Variants in BMPR1B observed in about 807,000 individuals in gnomAD.
BMPR1B encodes the protein bone morphogenetic protein receptor type-1B.
BMPR1B carries 12 observed loss-of-function variants against 59.1 expected under a neutral mutation model. The ratio of observed to expected loss-of-function variants is 0.20; its 90% CI spans 0.13 to 0.33. The LOEUF is 0.33. Ranked by LOEUF, BMPR1B falls within the 10% of genes least tolerant of loss-of-function variation. The pLI, the probability that BMPR1B is intolerant of heterozygous loss-of-function variation, is 1.00. For synonymous variants in BMPR1B, 237 were observed against 207.3 expected (o/e 1.14, Z -1.23); for missense variants, 550 against 610.9 (o/e 0.90, Z 1.05).
At chr4:94,805,321 G>C (rs1723566553) in intron 1 of BMPR1B, among the ~76,000 whole-genome samples, 2 of 152,088 alleles carry the variant, frequency 1.3e-5, no homozygotes, top group Admixed American at 1.3e-4. Flanking sequence ...GACACTCAGG[G>C]AATCTGATTC....
rs148876395 is a variant in BMPR1B, at chr4:94,966,161, T to C, written c.-112-29879T>C. On this transcript the variant is annotated intron_variant, in intron 2 of 12. Transcript: ENST00000515059. Reference sequence around the variant, plus strand: ...TAAAGTGGCAATAACACAATTTTGTTGGATACTTAGTACTGTGTTGTTTCT... The same window carrying C: ...TAAAGTGGCAATAACACAATTTTGTCGGATACTTAGTACTGTGTTGTTTCT... Among the ~76,000 whole-genome samples the C allele has an allele frequency of 3.5e-4, 53 of 152,332 alleles. No homozygotes were observed. The East Asian group carries it at 9.4e-3, about 27-fold the overall frequency.
chr4:95,105,167 G>T (rs1338148143), intron 4 of BMPR1B, among the ~76,000 whole-genome samples: 1 of 152,044 alleles, frequency 6.6e-6, no homozygotes, highest in Non-Finnish European at 1.5e-5. Context: ...TTCCTTAAAT[G>T]CCTTTATGCA....
chr4:94,993,732 G>T (rs896505473), intron 2 of BMPR1B, among the ~76,000 whole-genome samples: 3 of 125,986 alleles, frequency 2.4e-5, no homozygotes, highest in Non-Finnish European at 4.7e-5. Flanking sequence ...CTGCGCTCCA[G>T]CCTGGGCAAC....
intron 3 of BMPR1B, among the ~76,000 whole-genome samples, chr4:95,080,847 C>G (rs1036906276): frequency 6.6e-6 from 1 of 152,094 alleles, no homozygotes; most frequent in Non-Finnish European, 1.5e-5. Context: ...ATCTCAACCT[C>G]TCTGTAAATG....
chr4:94,962,106 TCC>T (rs1730386733), intron 2 of BMPR1B, among the ~76,000 whole-genome samples: 1 of 136,904 alleles, frequency 7.3e-6, no homozygotes, highest in Non-Finnish European at 1.5e-5. Flanking sequence ...CTTCCTTCCT[TCC>T]TTCCTTCCTT....
chr4:94,936,664 A>T (rs1176784199), intron 2 of BMPR1B, among the ~76,000 whole-genome samples: 1 of 152,114 alleles, frequency 6.6e-6, no homozygotes, highest in East Asian at 1.9e-4. Context: ...TACTTTGAGA[A>T]CTACAGTTTT....
intron 3 of BMPR1B, among the ~76,000 whole-genome samples, chr4:95,059,553 A>G (rs1727192107): frequency 6.6e-6 from 1 of 152,166 alleles, no homozygotes; most frequent in South Asian, 2.1e-4. Flanking sequence ...CATATATACC[A>G]AACAGTTTAT....
intron 3 of BMPR1B, among the ~76,000 whole-genome samples, chr4:95,031,060 C>T (rs1407565304): frequency 6.6e-6 from 1 of 151,952 alleles, no homozygotes; most frequent in Non-Finnish European, 1.5e-5. Flanking sequence ...CCCGCATCGC[C>T]AAGTCAATCC....
chr4:94,826,765 TTA>T (rs1485390326), intron 1 of BMPR1B, among the ~76,000 whole-genome samples: 1 of 152,174 alleles, frequency 6.6e-6, no homozygotes, highest in Non-Finnish European at 1.5e-5. Flanking sequence ...AAATATATGC[TTA>T]TAATATTAAA....
At chr4:94,987,153 TA>T (rs1187442170) in intron 2 of BMPR1B, among the ~76,000 whole-genome samples, 4 of 144,372 alleles carry the variant, frequency 2.8e-5, no homozygotes, top group Admixed American at 7.2e-5. Flanking sequence ...ATAATGTATA[TA>T]TACATATACA....
rs151333374 is a variant in BMPR1B at position 95,092,892 on chromosome 4, C to T, written c.-17-11516C>T. Among the ~76,000 whole-genome samples, 632 of 152,180 alleles carry T rather than the reference C, an allele frequency of 4.2e-3. 6 individuals carry two copies. Among genetic ancestry groups the T allele is most frequent in the African/African-American group, 0.015 (616 of 41,526 alleles). ...ATTTTTGGTGTGGAGGCAAGTTGAA[C>T]ATCTACTTTGATTAGCTTCGGAACT... On this transcript the variant is annotated intron_variant, in intron 3 of 12. Coordinates refer to ENST00000515059, the MANE Select transcript of BMPR1B (RefSeq NM_001203.3).
In BMPR1B at chr4:95,156,458, C is replaced by T. The variant is rs1300907305; in HGVS notation, c.*1785C>T. Reference sequence around the variant, plus strand: ...ACATGAAACATGAGAAAACATTTTCCTCACTTCTGAAGTCGGTTTGCAGCT... The same window carrying T: ...ACATGAAACATGAGAAAACATTTTCTTCACTTCTGAAGTCGGTTTGCAGCT... On this transcript the variant is annotated 3_prime_UTR_variant, in exon 13 of 13. Coordinates refer to ENST00000515059, the MANE Select transcript of BMPR1B (RefSeq NM_001203.3). The T allele has an allele frequency of 6.6e-6, 1 of 151,832 alleles. No homozygotes were observed. The highest frequency in any genetic ancestry group is 1.5e-5 in the Non-Finnish European group (1 of 67,944). The allele number at this position is 151,832 out of a possible 1,614,324, so 9.4% of individuals were successfully genotyped here.
chr4:95,057,375 G>A (rs540988230), intron 3 of BMPR1B, among the ~76,000 whole-genome samples: 3 of 152,112 alleles, frequency 2.0e-5, no homozygotes, highest in South Asian at 2.1e-4. Context: ...CTCCCGAGTC[G>A]CTGGGACTAC....
intron 1 of BMPR1B, among the ~76,000 whole-genome samples, chr4:94,825,359 G>A (rs1197676252): frequency 6.6e-6 from 1 of 151,946 alleles, no homozygotes; most frequent in Non-Finnish European, 1.5e-5. Flanking sequence ...TTAAAAATTA[G>A]CTGAGCAGTG....
intron 9 of BMPR1B, 113 bp from the exon 10 acceptor site, chr4:95,131,102 T>G (rs1039733697): frequency 1.3e-5 from 15 of 1,120,406 alleles, no homozygotes; most frequent in Middle Eastern, 5.1e-4. Context: ...GTCAGGAAAT[T>G]GAATGAAATG....
In BMPR1B at chr4:95,154,807, C is replaced by G. The variant is rs1735296867; in HGVS notation, c.*134C>G. The G allele has an allele frequency of 2.2e-6, 3 of 1,341,502 alleles. No homozygotes were observed. Among genetic ancestry groups the G allele is most frequent in the East Asian group, 2.4e-5 (1 of 41,910 alleles). 83.1% of individuals were successfully genotyped at this position (1,341,502 alleles called of 1,614,324 possible). On this transcript the variant is annotated 3_prime_UTR_variant, in exon 13 of 13. Coordinates refer to ENST00000515059, the MANE Select transcript of BMPR1B (RefSeq NM_001203.3). Reference sequence around the variant, plus strand: ...GTCCTGCTTCCCAGTGGGTTCAGACCTCACCTCTCAGGGAGCGACCTGGGC... The same window carrying G: ...GTCCTGCTTCCCAGTGGGTTCAGACGTCACCTCTCAGGGAGCGACCTGGGC...
At chr4:94,806,871 G>T in intron 1 of BMPR1B, among the ~76,000 whole-genome samples, 1 of 151,824 alleles carries the variant, frequency 6.6e-6, no homozygotes, top group East Asian at 1.9e-4. Flanking sequence ...TGGCAAATCT[G>T]GGGACTGAAT....
chr4:95,100,606 T>G (rs1396414990), intron 3 of BMPR1B, among the ~76,000 whole-genome samples: 1 of 152,130 alleles, frequency 6.6e-6, no homozygotes, highest in Non-Finnish European at 1.5e-5. Context: ...TTATGAAAAT[T>G]GTGCATGATT....
At chr4:95,085,787 A>G (rs374460138) in intron 3 of BMPR1B, among the ~76,000 whole-genome samples, 21 of 152,342 alleles carry the variant, frequency 1.4e-4, no homozygotes, top group East Asian at 1.3e-3. Flanking sequence ...ATGAGCATTC[A>G]GGCATTTTAT....
Sources: allele counts gnomAD v4.1 joint callset (sites outside exome capture counted in the v4.1 genomes callset), GRCh38; gene constraint gnomAD v4.1.1; transcripts MANE v1.5; gene names NCBI Gene and HGNC (gene_info 2026-07-23, HGNC 2026-07-21).